RBFOX1: variants seen among roughly 807,000 people sequenced by gnomAD.
RBFOX1 encodes the protein RNA binding fox-1 homolog 1.
Under a neutral mutation model 57.7 loss-of-function variants are expected in RBFOX1, and 8 were observed. The ratio of observed to expected loss-of-function variants is 0.14; its 90% CI spans 0.08 to 0.25. RBFOX1 has a LOEUF of 0.25. RBFOX1 is among the 10% of genes least tolerant of loss of function. RBFOX1 has a pLI of 1.00. For missense variants in RBFOX1, 611 were observed against 548.5 expected, an observed-to-expected ratio of 1.11 and a Z score of -1.14; for synonymous variants, 326 against 222.4, an observed-to-expected ratio of 1.47 and a Z score of -4.15.
At chr16:5,450,929 T>G (rs954692189) in intron 1 of RBFOX1, among the ~76,000 whole-genome samples, 9 of 152,194 alleles carry the variant, frequency 5.9e-5, no homozygotes, top group Non-Finnish European at 8.8e-5. Flanking sequence ...AAGGGTAAGC[T>G]TGTCCGAGCC....
intron 2 of RBFOX1, among the ~76,000 whole-genome samples, chr16:5,467,983 G>A (rs867985761): frequency 6.6e-6 from 1 of 152,146 alleles, no homozygotes; most frequent in Non-Finnish European, 1.5e-5. Flanking sequence ...TGAGTGGATT[G>A]GGGATGGTTT....
chr16:6,833,454 A>C (rs1318340908), intron 3 of RBFOX1, among the ~76,000 whole-genome samples: 7 of 152,136 alleles, frequency 4.6e-5, no homozygotes, highest in Non-Finnish European at 1.0e-4. Context: ...GGTGTGAACC[A>C]CTGCTCCCAG....
In RBFOX1 at chr16:6,171,222, G is replaced by A. The variant is rs371452823; in HGVS notation, c.-126-145773G>A. On this transcript the variant is annotated intron_variant, in intron 1 of 15. Coordinates refer to ENST00000550418, the MANE Select transcript of RBFOX1 (RefSeq NM_018723.4). The stretch of plus-strand genomic sequence containing the variant: ...TGCAGGTATAACAGGTAAAACATAT[G>A]TGGGATGATTCTACATATTTTGTAA... Among the ~76,000 whole-genome samples the A allele has an allele frequency of 8.5e-5, 13 of 152,182 alleles. No individual in the cohort carries two copies. The East Asian group carries it at 1.7e-3, about 20-fold the overall frequency.
Position 6,574,722 on chromosome 16 carries a change from C to T in RBFOX1, c.-63-79881C>T, listed in dbSNP as rs1345654236. Among the ~76,000 whole-genome samples the T allele has an allele frequency of 6.2e-5, 9 of 145,832 alleles. No homozygotes were observed. In the East Asian group the frequency reaches 6.6e-4, roughly 11 times the overall value. ...GGATTACAGGCGTGACTACCGCGCC[C>T]GGCCCGTATCTTCTATTAAGAACCA... On this transcript the variant is annotated intron_variant, in intron 2 of 15. Transcript: ENST00000550418.
chr16:5,359,214 G>T (rs1172150561), intron 1 of RBFOX1, among the ~76,000 whole-genome samples: 1 of 152,176 alleles, frequency 6.6e-6, no homozygotes, highest in Non-Finnish European at 1.5e-5. Flanking sequence ...CCATTCATCT[G>T]TTGATGGACA....
intron 4 of RBFOX1, among the ~76,000 whole-genome samples, chr16:7,144,065 G>A (rs758391655): frequency 6.6e-6 from 1 of 152,178 alleles, no homozygotes; most frequent in African/African-American, 2.4e-5. Context: ...GGGTTGATGT[G>A]TCTGTAGGCT....
At chr16:7,454,617 A>G (rs2058105224) in intron 4 of RBFOX1, among the ~76,000 whole-genome samples, 1 of 152,224 alleles carries the variant, frequency 6.6e-6, no homozygotes, top group Non-Finnish European at 1.5e-5. Flanking sequence ...GATGTGTGGT[A>G]TCAACTCATG....
intron 3 of RBFOX1, among the ~76,000 whole-genome samples, chr16:6,698,215 A>T (rs1356861438): frequency 6.6e-6 from 1 of 152,122 alleles, no homozygotes; most frequent in Non-Finnish European, 1.5e-5. Context: ...TGACAATTAG[A>T]TCATGTAAAT....
At chr16:7,374,345 T>C (rs2097644421) in intron 4 of RBFOX1, among the ~76,000 whole-genome samples, 1 of 152,220 alleles carries the variant, frequency 6.6e-6, no homozygotes, top group South Asian at 2.1e-4. Context: ...AAACACTAAA[T>C]AAATATTCCT....
intron 3 of RBFOX1, among the ~76,000 whole-genome samples, chr16:5,630,684 C>G (rs951043492): frequency 3.3e-5 from 5 of 152,062 alleles, no homozygotes; most frequent in African/African-American, 1.2e-4. Flanking sequence ...GCCAAGCCGG[C>G]TTCTTATTCT....
intron 13 of RBFOX1, among the ~76,000 whole-genome samples, chr16:7,674,441 T>C (rs1419395357): frequency 2.0e-5 from 3 of 152,158 alleles, no homozygotes; most frequent in Non-Finnish European, 4.4e-5. Flanking sequence ...AGAACATTCA[T>C]CTCCAAGTGG....
chr16:7,385,764 T>C (rs1257217914), intron 4 of RBFOX1, among the ~76,000 whole-genome samples: 2 of 151,952 alleles, frequency 1.3e-5, no homozygotes, highest in African/African-American at 2.4e-5. Flanking sequence ...AGGTTTTTGG[T>C]TTTTTTCGAG....
At position 7,613,896 on chromosome 16, in the gene RBFOX1, C is replaced by G. The variant is rs564100347; in HGVS notation, c.676+6558C>G. On this transcript the variant is annotated intron_variant, in intron 10 of 15. Coordinates refer to ENST00000550418, the MANE Select transcript of RBFOX1 (RefSeq NM_018723.4). ...CACTGTGGTCCCTGACACAAGTTTG[C>G]TCTATTTTATTCAGATTGGCATTGG... is the stretch of plus-strand genomic sequence containing the variant. 4.6e-5 allele frequency among the ~76,000 whole-genome samples: 7 copies of G among 152,286 alleles called. No homozygotes were observed. The East Asian group carries it at 1.4e-3, about 29-fold the overall frequency.
intron 3 of RBFOX1, among the ~76,000 whole-genome samples, chr16:6,972,036 G>C (rs1363145321): frequency 1.3e-5 from 2 of 152,174 alleles, no homozygotes; most frequent in South Asian, 4.1e-4. Flanking sequence ...GGGGAACAGA[G>C]AGGGTCAAAG....
chr16:6,839,008 C>T (rs1184737766), intron 3 of RBFOX1, among the ~76,000 whole-genome samples: 2 of 151,194 alleles, frequency 1.3e-5, no homozygotes, highest in East Asian at 1.9e-4. Flanking sequence ...TTTTTGTGAC[C>T]GAGTCTTGCT....
In RBFOX1 at chr16:5,951,305, G is replaced by A. The variant is rs190121023; in HGVS notation, c.351+83970G>A. The stretch of plus-strand genomic sequence containing the variant: ...TTTACTAAAAATACAAAAATTACCC[G>A]GGTGTGGTGGTGTGTGCCTGTAGTC... On this transcript the variant is annotated intron_variant, in intron 4 of 19. Transcript: ENST00000641259. Among the ~76,000 whole-genome samples the A allele has an allele frequency of 2.8e-3, 427 of 152,092 alleles. 2 individuals are homozygous for A. Among genetic ancestry groups the A allele is most frequent in the African/African-American group, 9.9e-3 (411 of 41,502 alleles).
chr16:5,714,565 C>T (rs372328884), intron 3 of RBFOX1, among the ~76,000 whole-genome samples: 2 of 152,156 alleles, frequency 1.3e-5, no homozygotes, highest in Non-Finnish European at 2.9e-5. Flanking sequence ...CCCTTACAAT[C>T]GAATGTCACT....
At chr16:7,010,342 G>C (rs1406917232) in intron 3 of RBFOX1, among the ~76,000 whole-genome samples, 5 of 152,202 alleles carry the variant, frequency 3.3e-5, no homozygotes, top group South Asian at 2.1e-4. Context: ...ATCAAACCCA[G>C]TCTGGTTAGA....
chr16:6,383,606 C>T (rs1272686405), intron 2 of RBFOX1, among the ~76,000 whole-genome samples: 2 of 152,038 alleles, frequency 1.3e-5, no homozygotes, highest in East Asian at 1.9e-4. Flanking sequence ...AACCCCGTGT[C>T]TACTGAAAAT....
Sources: allele counts gnomAD v4.1 joint callset (sites outside exome capture counted in the v4.1 genomes callset), GRCh38; gene constraint gnomAD v4.1.1; transcripts MANE v1.5; gene names NCBI Gene and HGNC (gene_info 2026-07-23, HGNC 2026-07-21).